Variants in CPNE4 observed in about 807,000 individuals in gnomAD.
CPNE4 encodes the protein copine 4, also known as copine-4.
A neutral mutation model predicts 67.9 loss-of-function variants in CPNE4; 25 were observed. That is an observed-to-expected ratio of 0.37 (90% CI 0.27 to 0.51). The LOEUF is 0.51. Among genes scored for constraint, CPNE4 ranks in the 20% least tolerant of loss-of-function variants. The pLI, the probability that CPNE4 is intolerant of heterozygous loss-of-function variation, is 0.93. For synonymous variants in CPNE4, 242 were observed against 244.9 expected (o/e 0.99, Z 0.11); for missense variants, 464 against 690.8 (o/e 0.67, Z 3.68).
intron 2 of CPNE4, among the ~76,000 whole-genome samples, chr3:131,785,710 A>T (rs374233661): frequency 1.1e-4 from 15 of 141,542 alleles, no homozygotes; most frequent in Middle Eastern, 7.4e-3. Context: ...ATGGTGGCTT[A>T]TTCCCTGGTG....
At chr3:131,847,470 G>C (rs1372697732) in intron 2 of CPNE4, among the ~76,000 whole-genome samples, 1 of 152,148 alleles carries the variant, frequency 6.6e-6, no homozygotes, top group East Asian at 1.9e-4. Flanking sequence ...GGCCCTGTCT[G>C]CTCAGAGAGT....
chr3:131,760,528 C>A (rs953889311), intron 2 of CPNE4, among the ~76,000 whole-genome samples: 2 of 152,142 alleles, frequency 1.3e-5, no homozygotes, highest in Non-Finnish European at 2.9e-5. Context: ...CTATGCTTTA[C>A]TTTAGGAGGT....
chr3:131,657,501 A>G (rs2080001583), intron 7 of CPNE4, among the ~76,000 whole-genome samples: 1 of 151,312 alleles, frequency 6.6e-6, no homozygotes, highest in Non-Finnish European at 1.5e-5. Context: ...GATCAGCTTT[A>G]ATGAGTACAT....
At chr3:131,556,153 C>T (rs1452184880) in intron 11 of CPNE4, among the ~76,000 whole-genome samples, 1 of 151,988 alleles carries the variant, frequency 6.6e-6, no homozygotes, top group East Asian at 1.9e-4. Context: ...GTGGGTAGAT[C>T]ACTTGAGGCC....
intron 2 of CPNE4, among the ~76,000 whole-genome samples, chr3:131,836,523 AT>A (rs2085562320): frequency 6.6e-6 from 1 of 152,218 alleles, no homozygotes; most frequent in African/African-American, 2.4e-5. Flanking sequence ...GTCAGACTGA[AT>A]TCTTTCTCCC....
rs184577414 is a variant in CPNE4 at position 131,606,937 on chromosome 3, T to C, written c.682-19355A>G. 2.6e-5 allele frequency among the ~76,000 whole-genome samples: 4 copies of C among 151,924 alleles called. No individual in the cohort carries two copies. In the East Asian group the frequency reaches 7.7e-4, roughly 29 times the overall value. On this transcript the variant is annotated intron_variant, in intron 7 of 15. Coordinates refer to ENST00000429747, the MANE Select transcript of CPNE4 (RefSeq NM_130808.3). ...TAGCCTTTCTGCATAGATTCAGCCA[T>C]TTCTGGCCAATCTTTCCCTCACTGA...
intron 2 of CPNE4, among the ~76,000 whole-genome samples, chr3:131,729,105 T>C (rs956406821): frequency 2.0e-5 from 3 of 152,100 alleles, no homozygotes; most frequent in African/African-American, 7.2e-5. Flanking sequence ...GCCAAAATTA[T>C]TGTCAGTCAC....
intron 1 of CPNE4, among the ~76,000 whole-genome samples, chr3:132,027,448 G>C (rs1398277305): frequency 6.6e-6 from 1 of 152,118 alleles, no homozygotes; most frequent in African/African-American, 2.4e-5. Context: ...CAGGTTAGGA[G>C]CTATCATGAG....
chr3:131,555,854 C>T (rs954951942), intron 11 of CPNE4, among the ~76,000 whole-genome samples: 2 of 152,070 alleles, frequency 1.3e-5, no homozygotes, highest in Admixed American at 1.3e-4. Context: ...TCCACTTCAA[C>T]TTTCAACTTT....
At chr3:131,991,152 T>C (rs2204782) in intron 1 of CPNE4, among the ~76,000 whole-genome samples, 129,692 of 134,730 alleles carry the variant, frequency 0.96, 63,675 homozygotes, top group African/African-American at 0.99. Context: ...AAATTGGTGC[T>C]GAAGGAGTAG....
chr3:131,930,469 C>T (rs2071028129), intron 1 of CPNE4, among the ~76,000 whole-genome samples: 2 of 142,348 alleles, frequency 1.4e-5, no homozygotes, highest in South Asian at 4.5e-4. Flanking sequence ...AACTGGAAGC[C>T]AAAGGACTCA....
At chr3:131,555,405 C>G in intron 12 of CPNE4, 92 bp downstream of exon 12, 2 of 1,105,124 alleles carry the variant, frequency 1.8e-6, no homozygotes, top group South Asian at 2.7e-5. Flanking sequence ...ACAGTTAGGT[C>G]AGAGTCAGGA....
chr3:131,683,588 G>T (rs930475054), intron 6 of CPNE4, among the ~76,000 whole-genome samples: 2 of 152,096 alleles, frequency 1.3e-5, no homozygotes, highest in African/African-American at 4.8e-5. Context: ...CACTGCTTAG[G>T]GTATGGGGCA....
chr3:131,674,181 A>G (rs1246842883), intron 6 of CPNE4, among the ~76,000 whole-genome samples: 1 of 152,032 alleles, frequency 6.6e-6, no homozygotes, highest in Non-Finnish European at 1.5e-5. Flanking sequence ...GTCATGGTGC[A>G]TGATCTTTTT....
At chr3:131,605,025 T>C (rs1939418403) in intron 7 of CPNE4, among the ~76,000 whole-genome samples, 1 of 152,170 alleles carries the variant, frequency 6.6e-6, no homozygotes, top group Non-Finnish European at 1.5e-5. Flanking sequence ...TAAGTACATC[T>C]CATTTAATCC....
At chr3:132,024,907 G>A (rs1438506522) in intron 1 of CPNE4, among the ~76,000 whole-genome samples, 2 of 152,094 alleles carry the variant, frequency 1.3e-5, no homozygotes, top group Non-Finnish European at 2.9e-5. Context: ...AAAATTCATG[G>A]CTTGTCTACA....
intron 5 of CPNE4, among the ~76,000 whole-genome samples, chr3:131,687,700 A>G (rs549832271): frequency 1.8e-4 from 27 of 152,344 alleles, no homozygotes; most frequent in African/African-American, 6.0e-4. Flanking sequence ...TATTTGTAGG[A>G]CATATACTGA....
At chr3:131,632,913 C>T (rs1031340944) in intron 7 of CPNE4, among the ~76,000 whole-genome samples, 2 of 152,196 alleles carry the variant, frequency 1.3e-5, no homozygotes, top group Non-Finnish European at 2.9e-5. Flanking sequence ...GCCCCAAGCA[C>T]CCCAGTGGAG....
chr3:131,591,887 T>A (rs1315309648), intron 7 of CPNE4, among the ~76,000 whole-genome samples: 2 of 151,920 alleles, frequency 1.3e-5, no homozygotes, highest in Non-Finnish European at 2.9e-5. Flanking sequence ...AGAGGCAGAG[T>A]CCTTGGTGTG....
Sources: gnomAD v4.1 joint callset for allele counts (sites outside exome capture counted in the v4.1 genomes callset) on GRCh38, gnomAD v4.1.1 for gene constraint, MANE v1.5 for transcripts, NCBI Gene and HGNC (gene_info 2026-07-23, HGNC 2026-07-21) for gene names.